PSPC1: variants seen among roughly 807,000 people sequenced by gnomAD.
PSPC1 encodes paraspeckle protein 1.
In PSPC1, 14 loss-of-function variants were observed where a neutral mutation model predicts 51.6. The ratio of observed to expected loss-of-function variants is 0.27; its 90% confidence interval spans 0.18 to 0.42. The LOEUF (loss-of-function observed/expected upper bound fraction) is 0.42, where lower values mean the gene tolerates loss of function less well. Ranked by LOEUF, PSPC1 falls within the 10% of genes least tolerant of loss-of-function variation. The probability of loss-of-function intolerance (pLI) is 1.00; values close to 1 mark genes in which losing one functional copy is unlikely to be tolerated. For missense variants in PSPC1, 406 were observed against 701.1 expected (o/e 0.58, Z 4.75); for synonymous variants, 193 against 231.9 (o/e 0.83, Z 1.53).
Position 19,688,786 on chromosome 13 carries a change from A to G in PSPC1, c.1159-10963T>C, listed in dbSNP as rs184654419. Among the ~76,000 whole-genome samples the G allele has an allele frequency of 6.4e-4, 98 of 152,330 alleles. 1 individual carries two copies. The South Asian group carries it at 0.012, about 19-fold the overall frequency. On this transcript the variant is annotated intron_variant and NMD_transcript_variant, in intron 6 of 7. Coordinates refer to the PSPC1 transcript ENST00000471658. ...CAAGCAATCTAGGCCCTTCACAAAT[A>G]TAACAATGACATAATCTCTTGCAAT...
At chr13:19,679,713 G>A (rs1247180400) in intron 6 of PSPC1, among the ~76,000 whole-genome samples, 1 of 152,128 alleles carries the variant, frequency 6.6e-6, no homozygotes, top group Non-Finnish European at 1.5e-5. Flanking sequence ...AGGAACTTCA[G>A]GATCTGCAGA....
Position 19,782,238 on chromosome 13 carries a change from C to G in PSPC1, c.372+148G>C, listed in dbSNP as rs1001202297. On this transcript the variant is annotated intron_variant, in intron 1 of 8. Coordinates refer to ENST00000338910, the MANE Select transcript of PSPC1 (RefSeq NM_001354909.2). The surrounding 1 kb of genome is among the most constrained non-coding windows in gnomAD (Gnocchi z 4.5). The stretch of plus-strand genomic sequence containing the variant: ...GGCGCCGAGCTGGGGAAGCGGCCAA[C>G]CCCGCACAGAGGAATCGATGAGGCC... The G allele has an allele frequency of 4.2e-5, 55 of 1,296,084 alleles. No individual in the cohort carries two copies. The African/African-American group carries it at 8.5e-4, about 20-fold the overall frequency. 80.3% of individuals were successfully genotyped at this position (1,296,084 alleles called of 1,614,324 possible). A position where few individuals can be genotyped will look rare whatever the true frequency, so the allele number is the denominator to read the frequency against.
intron 6 of PSPC1, among the ~76,000 whole-genome samples, chr13:19,727,479 C>T (rs1883496518): frequency 6.6e-6 from 1 of 151,976 alleles, no homozygotes; most frequent in Admixed American, 6.6e-5. Flanking sequence ...ATTTTCCTAA[C>T]CCAAATATTT....
At chr13:19,732,185 T>TA (rs1566003974) in intron 5 of PSPC1, among the ~76,000 whole-genome samples, 1 of 152,192 alleles carries the variant, frequency 6.6e-6, no homozygotes, top group Non-Finnish European at 1.5e-5. Flanking sequence ...TCTGGACTAT[T>TA]TTAAGATTGT....
At chr13:19,691,586 G>A (rs1018396536) in intron 6 of PSPC1, among the ~76,000 whole-genome samples, 3 of 151,966 alleles carry the variant, frequency 2.0e-5, no homozygotes, top group African/African-American at 4.8e-5. Context: ...TGAATGAAAA[G>A]ACTTGATGGG....
intron 6 of PSPC1, among the ~76,000 whole-genome samples, chr13:19,694,499 G>A (rs1457789054): frequency 6.6e-6 from 1 of 152,124 alleles, no homozygotes; most frequent in Non-Finnish European, 1.5e-5. Flanking sequence ...TTTAAAAGTT[G>A]AGAAATTTTA....
In PSPC1 at chr13:19,711,654, A is replaced by AG. The variant is rs558384551; in HGVS notation, c.1159-2056_1159-2055insC. ...CTCCGTCTCATAAAAAAAAAAAAAAAAAAAAAAGAAACCCCATCTCTACTA... is the reference window on the plus strand; with the variant it reads ...CTCCGTCTCATAAAAAAAAAAAAAAAGAAAAAAAGAAACCCCATCTCTACTA... On this transcript the variant is annotated intron_variant, in intron 6 of 8. Transcript: ENST00000338910. Among the ~76,000 whole-genome samples the AG allele has an allele frequency of 4.1e-4, 61 of 150,012 alleles. No homozygotes were observed. In the South Asian group the frequency reaches 0.01, roughly 26 times the overall value.
intron 6 of PSPC1, among the ~76,000 whole-genome samples, chr13:19,683,355 T>C (rs2137598880): frequency 1.3e-5 from 2 of 152,294 alleles, no homozygotes; most frequent in East Asian, 1.9e-4. Context: ...TACTGATAAA[T>C]GCAGCAACAC....
chr13:19,773,778 G>A (rs1046455180), intron 1 of PSPC1, among the ~76,000 whole-genome samples: 1 of 151,786 alleles, frequency 6.6e-6, no homozygotes, highest in African/African-American at 2.4e-5. Flanking sequence ...CCTGCCTCCC[G>A]AGTAGCTGGG....
chr13:19,735,305 C>CT (rs1884654567), intron 5 of PSPC1, among the ~76,000 whole-genome samples: 1 of 152,130 alleles, frequency 6.6e-6, no homozygotes, highest in South Asian at 2.1e-4. Flanking sequence ...GAACGAAACT[C>CT]TGTCTCAAAA....
At chr13:19,714,319 G>A (rs1175813374) in intron 6 of PSPC1, among the ~76,000 whole-genome samples, 1 of 152,172 alleles carries the variant, frequency 6.6e-6, no homozygotes, top group Admixed American at 6.5e-5. Flanking sequence ...TATTTTCTAT[G>A]AGATCAATAT....
intron 5 of PSPC1, among the ~76,000 whole-genome samples, chr13:19,733,957 A>G (rs922032731): frequency 1.3e-5 from 2 of 152,084 alleles, no homozygotes; most frequent in Non-Finnish European, 2.9e-5. Flanking sequence ...TGTCTAAAAA[A>G]TAAAATAAAA....
At chr13:19,743,842 T>C (rs1321849868) in intron 4 of PSPC1, among the ~76,000 whole-genome samples, 1 of 152,178 alleles carries the variant, frequency 6.6e-6, no homozygotes, top group African/African-American at 2.4e-5. Context: ...AAGTAATGGC[T>C]CACACCTGTA....
chr13:19,751,246 C>T (rs1465261236), intron 4 of PSPC1, 25 bp downstream of exon 4: 2 of 1,494,668 alleles, frequency 1.3e-6, no homozygotes, highest in Non-Finnish European at 1.8e-6. Context: ...AATCATACCA[C>T]ATGTACATGA....
chr13:19,757,177 CACAACAAA>C (rs1317320109), intron 3 of PSPC1, among the ~76,000 whole-genome samples: 11 of 151,440 alleles, frequency 7.3e-5, no homozygotes, highest in African/African-American at 2.7e-4. Context: ...CCATCCACAC[CACAACAAA>C]GCTTTGGGAC....
chr13:19,763,219 G>A (rs1272989986), intron 2 of PSPC1, among the ~76,000 whole-genome samples: 4 of 151,980 alleles, frequency 2.6e-5, no homozygotes, highest in East Asian at 1.9e-4. Context: ...GCAGTGGGGC[G>A]ATCACAGCTC....
intron 1 of PSPC1, among the ~76,000 whole-genome samples, chr13:19,773,036 C>A (rs1240689042): frequency 6.6e-6 from 1 of 151,780 alleles, no homozygotes; most frequent in Admixed American, 6.6e-5. Context: ...GTGGCGGGTG[C>A]CTTAATCCCA....
intron 5 of PSPC1, among the ~76,000 whole-genome samples, chr13:19,736,695 A>G (rs933225474): frequency 6.6e-6 from 1 of 152,108 alleles, no homozygotes; most frequent in Non-Finnish European, 1.5e-5. Context: ...AAAAATAAAT[A>G]AAATAAAATA....
downstream of PSPC1, chr13:19,673,458 T>TATC (rs1309269700): frequency 2.7e-5 from 5 of 186,060 alleles, no homozygotes; most frequent in Admixed American, 1.7e-4. Context: ...TTTCCTTTTA[T>TATC]ATCTCAAGTC....
Sources: allele counts gnomAD v4.1 joint callset (sites outside exome capture counted in the v4.1 genomes callset), GRCh38; gene constraint gnomAD v4.1.1; non-coding constraint Gnocchi (gnomAD v3.1); transcripts MANE v1.5; gene names NCBI Gene and HGNC (gene_info 2026-07-23, HGNC 2026-07-21).